Variants in DNAJC6 observed in about 807,000 individuals in gnomAD.
The protein encoded by DNAJC6 is auxilin.
DNAJC6 carries 34 observed loss-of-function variants against 110.0 expected under a neutral mutation model. That is an observed-to-expected ratio of 0.31 (90% CI 0.24 to 0.41). The LOEUF (loss-of-function observed/expected upper bound fraction) is 0.41. Among genes scored for constraint, DNAJC6 ranks in the 10% least tolerant of loss-of-function variants. The pLI is 1.00. For synonymous variants in DNAJC6, 406 were observed against 437.2 expected (o/e 0.93, Z 0.89); for missense variants, 1,031 against 1,207.8 (o/e 0.85, Z 2.17).
intron 1 of DNAJC6, among the ~76,000 whole-genome samples, chr1:65,276,752 A>C (rs1653687368): frequency 6.6e-6 from 1 of 151,250 alleles, no homozygotes; most frequent in Non-Finnish European, 1.5e-5. Context: ...GAAGGAGAAA[A>C]CTCCTGTCAG....
chr1:65,271,831 T>C (rs1423548892), intron 1 of DNAJC6, among the ~76,000 whole-genome samples: 2 of 149,246 alleles, frequency 1.3e-5, no homozygotes, highest in Non-Finnish European at 3.0e-5. Context: ...ATCACACCAC[T>C]GTACACTCCA....
intron 1 of DNAJC6, among the ~76,000 whole-genome samples, chr1:65,334,077 A>G (rs1645312649): frequency 6.6e-6 from 1 of 152,228 alleles, no homozygotes; most frequent in Non-Finnish European, 1.5e-5. Context: ...TAATGTAACT[A>G]TCCCTTCTTT....
chr1:65,408,028 T>C (rs766913447), intron 16 of DNAJC6, among the ~76,000 whole-genome samples: 8 of 152,182 alleles, frequency 5.3e-5, no homozygotes, highest in Non-Finnish European at 1.2e-4. Flanking sequence ...ACCATCCCCA[T>C]TTTATGGATG....
chr1:65,409,331 C>T (rs888793773), intron 17 of DNAJC6, among the ~76,000 whole-genome samples: 1 of 152,148 alleles, frequency 6.6e-6, no homozygotes, highest in African/African-American at 2.4e-5. Context: ...TACAGCTGTG[C>T]CCTTTAATAG....
At chr1:65,383,711 C>T (rs1274764970) in intron 5 of DNAJC6, among the ~76,000 whole-genome samples, 1 of 152,162 alleles carries the variant, frequency 6.6e-6, no homozygotes, top group Non-Finnish European at 1.5e-5. Flanking sequence ...TACAAACATT[C>T]AGTCCACAAC....
rs57352713 is a variant in DNAJC6, at chr1:65,374,975, A to ATTTTT, written c.544-4418_544-4414dup. Among the ~76,000 whole-genome samples, 461 of 143,300 alleles carry ATTTTT rather than the reference A, an allele frequency of 3.2e-3. 6 individuals carry two copies. The highest frequency in any genetic ancestry group is 1.0e-2 in the African/African-American group (388 of 38,948). 94.0% of individuals were successfully genotyped at this position (143,300 alleles called of 152,430 possible). On this transcript the variant is annotated intron_variant, in intron 4 of 18. Transcript: ENST00000371069. ...TTCCTTCTGTATCTATTTTCTGAGG[A>ATTTTT]TTTTTTTTTTTTTGAGACGGAGTTT...
intron 1 of DNAJC6, among the ~76,000 whole-genome samples, chr1:65,344,956 G>A (rs1436316243): frequency 6.6e-6 from 1 of 152,154 alleles, no homozygotes; most frequent in East Asian, 1.9e-4. Context: ...CCGAGTCCCA[G>A]TTGGTGAGCC....
intron 1 of DNAJC6, among the ~76,000 whole-genome samples, chr1:65,321,002 T>C (rs1645192697): frequency 6.6e-6 from 1 of 152,138 alleles, no homozygotes; most frequent in Admixed American, 6.5e-5. Flanking sequence ...GTGTACCTGA[T>C]ATAACTGGTG....
chr1:65,360,266 C>T (rs764846547), intron 1 of DNAJC6, among the ~76,000 whole-genome samples: 2 of 152,132 alleles, frequency 1.3e-5, no homozygotes, highest in Non-Finnish European at 2.9e-5. Context: ...TGTGGCCTTG[C>T]CAGTTCAACG....
intron 1 of DNAJC6, among the ~76,000 whole-genome samples, chr1:65,352,439 A>G (rs1193702435): frequency 6.7e-6 from 1 of 149,664 alleles, no homozygotes; most frequent in Non-Finnish European, 1.5e-5. Context: ...CCAATGCACT[A>G]TCCATTGTGC....
intron 1 of DNAJC6, among the ~76,000 whole-genome samples, chr1:65,363,460 A>G (rs1355340926): frequency 2.6e-5 from 4 of 152,148 alleles, no homozygotes; most frequent in Admixed American, 6.6e-5. Flanking sequence ...GAGAAAAACT[A>G]TGGAGAATAT....
chr1:65,360,226 A>G (rs1570324006), intron 1 of DNAJC6, among the ~76,000 whole-genome samples: 1 of 152,348 alleles, frequency 6.6e-6, no homozygotes, highest in African/African-American at 2.4e-5. Context: ...CCAGTAGAGC[A>G]ACATCAAATA....
chr1:65,310,169 C>CTA (rs1231954681), intron 1 of DNAJC6, among the ~76,000 whole-genome samples: 1 of 146,042 alleles, frequency 6.8e-6, no homozygotes, highest in Non-Finnish European at 1.5e-5. Flanking sequence ...CGAGCTCCTC[C>CTA]TAATCTCTCT....
intron 1 of DNAJC6, among the ~76,000 whole-genome samples, chr1:65,337,037 C>T (rs1388540966): frequency 1.3e-5 from 2 of 151,708 alleles, no homozygotes; most frequent in Non-Finnish European, 2.9e-5. Context: ...AAAACCAGGC[C>T]ATTTGTACTG....
intron 15 of DNAJC6, among the ~76,000 whole-genome samples, chr1:65,405,644 T>A (rs1478742066): frequency 6.6e-6 from 1 of 152,122 alleles, no homozygotes; most frequent in Non-Finnish European, 1.5e-5. Flanking sequence ...CTGCAGTTTG[T>A]TCATCTGAAG....
chr1:65,354,262 A>G (rs1186104412), intron 1 of DNAJC6, among the ~76,000 whole-genome samples: 1 of 152,262 alleles, frequency 6.6e-6, no homozygotes, highest in East Asian at 1.9e-4. Context: ...AAGAGGCAGG[A>G]TGGGGAAGTG....
upstream of DNAJC6, among the ~76,000 whole-genome samples, chr1:65,307,707 T>C (rs1211353233): frequency 6.6e-6 from 1 of 152,170 alleles, no homozygotes; most frequent in Non-Finnish European, 1.5e-5. Context: ...TTATTTAAGA[T>C]GTTATGGGAA....
chr1:65,394,699 C>A (rs1201263419), intron 12 of DNAJC6, among the ~76,000 whole-genome samples, 199 bp from the exon 13 acceptor site: 2 of 152,204 alleles, frequency 1.3e-5, no homozygotes, highest in Admixed American at 6.5e-5. Context: ...CTCCTAACAA[C>A]TGCTGGGCAG....
intron 1 of DNAJC6, among the ~76,000 whole-genome samples, chr1:65,330,370 T>C (rs1446145271): frequency 6.6e-6 from 1 of 152,036 alleles, no homozygotes; most frequent in Non-Finnish European, 1.5e-5. Context: ...TTTGTGCACA[T>C]TGTCTACAAT....
Sources: gnomAD v4.1 joint callset for allele counts (sites outside exome capture counted in the v4.1 genomes callset) on GRCh38, gnomAD v4.1.1 for gene constraint, MANE v1.5 for transcripts, NCBI Gene and HGNC (gene_info 2026-07-23, HGNC 2026-07-21) for gene names.